The following PYGO1 variants were observed in gnomAD, a reference collection of about 807,000 sequenced individuals.
PYGO1 encodes pygopus family PHD finger 1.
Under a neutral mutation model 29.5 loss-of-function variants are expected in PYGO1, and 6 were observed. The ratio of observed to expected loss-of-function variants is 0.20; its 90% CI spans 0.11 to 0.40. The LOEUF (loss-of-function observed/expected upper bound fraction) is 0.40. PYGO1 is among the 10% of genes least tolerant of loss of function. The pLI, the probability that PYGO1 is intolerant of heterozygous loss-of-function variation, is 1.00. For missense variants in PYGO1, 515 were observed against 514.9 expected, an observed-to-expected ratio of 1.00 and a Z score of 0.00; for synonymous variants, 186 against 180.5, an observed-to-expected ratio of 1.03 and a Z score of -0.24.
At chr15:55,581,236 G>A (rs1047173481) in intron 1 of PYGO1, among the ~76,000 whole-genome samples, 1 of 152,140 alleles carries the variant, frequency 6.6e-6, no homozygotes, top group African/African-American at 2.4e-5. Flanking sequence ...CCAAAGGTGG[G>A]AGAAAAAGAG....
chr15:55,571,786 A>G (rs1202758084), intron 1 of PYGO1, among the ~76,000 whole-genome samples: 1 of 152,144 alleles, frequency 6.6e-6, no homozygotes, highest in Admixed American at 6.6e-5. Context: ...CTAGACTAAT[A>G]CATCCTATTT....
At chr15:55,569,687 T>C (rs763562028) in intron 1 of PYGO1, among the ~76,000 whole-genome samples, 1 of 152,216 alleles carries the variant, frequency 6.6e-6, no homozygotes, top group Non-Finnish European at 1.5e-5. Context: ...TTTTTTTGAA[T>C]TTATTGAGAC....
intron 1 of PYGO1, among the ~76,000 whole-genome samples, chr15:55,552,754 A>G (rs1201065054): frequency 6.6e-6 from 1 of 152,166 alleles, no homozygotes; most frequent in Non-Finnish European, 1.5e-5. Context: ...GCAGCCACTC[A>G]GGCACACACA....
At chr15:55,573,317 A>T (rs2058987860) in intron 1 of PYGO1, among the ~76,000 whole-genome samples, 1 of 152,040 alleles carries the variant, frequency 6.6e-6, no homozygotes, top group African/African-American at 2.4e-5. Context: ...AAAAAGGAAA[A>T]AAAAAAAGAG....
At chr15:55,569,274 T>A (rs1342713528) in intron 1 of PYGO1, among the ~76,000 whole-genome samples, 1 of 152,228 alleles carries the variant, frequency 6.6e-6, no homozygotes, top group Non-Finnish European at 1.5e-5. Flanking sequence ...TTTTGGTGTC[T>A]CAATTTGTTA....
chr15:55,563,365 T>TC (rs1158138494), intron 1 of PYGO1, among the ~76,000 whole-genome samples: 10 of 133,144 alleles, frequency 7.5e-5, no homozygotes, highest in African/African-American at 2.7e-4. Flanking sequence ...ATGAATAAAT[T>TC]CTTTTTTTTT....
intron 1 of PYGO1, 105 bp downstream of exon 1, chr15:55,587,730 G>T (rs962705089): frequency 5.2e-5 from 64 of 1,229,264 alleles, no homozygotes; most frequent in Middle Eastern, 4.6e-4. Flanking sequence ...CGGGCTGCGC[G>T]GACTTAGGCC....
At chr15:55,562,259 C>T (rs1481640287) in intron 1 of PYGO1, among the ~76,000 whole-genome samples, 1 of 152,184 alleles carries the variant, frequency 6.6e-6, no homozygotes, top group East Asian at 1.9e-4. Flanking sequence ...ATTAGTTCAA[C>T]CACTGTGGAA....
intron 1 of PYGO1, among the ~76,000 whole-genome samples, chr15:55,580,843 A>G (rs937798062): frequency 2.0e-5 from 3 of 152,364 alleles, no homozygotes; most frequent in East Asian, 3.9e-4. Flanking sequence ...CAAGAATGTC[A>G]GAAGACAGAA....
intron 1 of PYGO1, among the ~76,000 whole-genome samples, chr15:55,557,772 G>C (rs938951271): frequency 2.6e-5 from 4 of 152,084 alleles, no homozygotes; most frequent in South Asian, 2.1e-4. Context: ...ATGCCGCAAA[G>C]ACCTTCACAA....
chr15:55,568,974 C>T (rs2058969000), intron 1 of PYGO1, among the ~76,000 whole-genome samples: 1 of 151,978 alleles, frequency 6.6e-6, no homozygotes, highest in Non-Finnish European at 1.5e-5. Flanking sequence ...TTTTGATGTG[C>T]TATTGAATTT....
intron 1 of PYGO1, among the ~76,000 whole-genome samples, chr15:55,564,877 C>T (rs2058948444): frequency 6.6e-6 from 1 of 152,154 alleles, no homozygotes; most frequent in Non-Finnish European, 1.5e-5. Context: ...AAATCTGCCT[C>T]CAATCTCATC....
At chr15:55,576,063 C>T (rs2059000243) in intron 1 of PYGO1, among the ~76,000 whole-genome samples, 1 of 152,198 alleles carries the variant, frequency 6.6e-6, no homozygotes, top group African/African-American at 2.4e-5. Context: ...GGTGTGGTTT[C>T]TGTTTCCTGA....
At chr15:55,569,434 C>T (rs957586558) in intron 1 of PYGO1, among the ~76,000 whole-genome samples, 2 of 152,074 alleles carry the variant, frequency 1.3e-5, no homozygotes, top group African/African-American at 4.8e-5. Flanking sequence ...ACATATGCTC[C>T]TTTTAATACT....
At chr15:55,577,548 C>T (rs367686313) in intron 1 of PYGO1, among the ~76,000 whole-genome samples, 2 of 151,586 alleles carry the variant, frequency 1.3e-5, no homozygotes, top group East Asian at 3.9e-4. Flanking sequence ...GTAAAGCAGT[C>T]ACACCATTGG....
At chr15:55,572,752 C>T (rs2058985160) in intron 1 of PYGO1, among the ~76,000 whole-genome samples, 2 of 151,988 alleles carry the variant, frequency 1.3e-5, no homozygotes, top group Non-Finnish European at 1.5e-5. Flanking sequence ...CCAAAGAATA[C>T]ATAAAAATGG....
intron 1 of PYGO1, among the ~76,000 whole-genome samples, chr15:55,568,642 T>C (rs2058967443): frequency 6.6e-6 from 1 of 152,118 alleles, no homozygotes; most frequent in South Asian, 2.1e-4. Context: ...ATAGGAGTCA[T>C]GAGAGTGGGT....
At chr15:55,557,326 G>C (rs1375733015) in intron 1 of PYGO1, among the ~76,000 whole-genome samples, 1 of 151,772 alleles carries the variant, frequency 6.6e-6, no homozygotes, top group Non-Finnish European at 1.5e-5. Context: ...ACCAATAACA[G>C]GCTCTGAAAT....
At chr15:55,584,516 AAG>A (rs1322906327) in intron 1 of PYGO1, among the ~76,000 whole-genome samples, 1 of 152,222 alleles carries the variant, frequency 6.6e-6, no homozygotes, top group Non-Finnish European at 1.5e-5. Context: ...CAATGCCTAA[AAG>A]AGTTCTAGGA....
Sources: allele counts gnomAD v4.1 joint callset (sites outside exome capture counted in the v4.1 genomes callset), GRCh38; gene constraint gnomAD v4.1.1; transcripts MANE v1.5; gene names NCBI Gene and HGNC (gene_info 2026-07-23, HGNC 2026-07-21).